Variants in CREBL2 observed in about 807,000 individuals in gnomAD.
The protein encoded by CREBL2 is cAMP-responsive element-binding protein-like 2.
In CREBL2, 4 loss-of-function variants were observed where a neutral mutation model predicts 19.5. The observed-to-expected ratio is 0.20, with a 90% CI of 0.10 to 0.47. CREBL2 has a LOEUF of 0.47. CREBL2 is among the 20% of genes least tolerant of loss of function. The pLI is 0.98. For synonymous variants in CREBL2, 42 were observed against 46.6 expected (o/e 0.90, Z 0.40); for missense variants, 85 against 145.1 (o/e 0.59, Z 2.13).
At chr12:12,618,529 C>T (rs1483467221) in intron 1 of CREBL2, among the ~76,000 whole-genome samples, 27 of 150,648 alleles carry the variant, frequency 1.8e-4, no homozygotes, top group African/African-American at 6.4e-4. Context: ...CGGGAAGAGG[C>T]GCTCCTCACT....
At chr12:12,615,239 A>G (rs1003252589) in intron 1 of CREBL2, among the ~76,000 whole-genome samples, 6 of 152,066 alleles carry the variant, frequency 3.9e-5, no homozygotes, top group African/African-American at 1.4e-4. Flanking sequence ...GGCCAGGCTG[A>G]CAGGGTTTTG....
In CREBL2 at chr12:12,637,700, C is replaced by G; in HGVS notation, c.344C>G (p.Ala115Gly). The change falls in exon 3 of 4, where the codon GCT (alanine) becomes GGT (glycine). Residue 115 changes from alanine to glycine, a missense_variant. Coordinates refer to ENST00000228865, the MANE Select transcript of CREBL2 (RefSeq NM_001310.4). ...SRHTKAGKTD[A>G]NSNSW ...CATACCAAGGCTGGGAAGACAGATGCTAATAGCAATTCCTGTAAGTGCCAT... is the reference window on the plus strand; with the variant it reads ...CATACCAAGGCTGGGAAGACAGATGGTAATAGCAATTCCTGTAAGTGCCAT... The G allele has an allele frequency of 1.2e-6, 2 of 1,610,358 alleles. No individual in the cohort carries two copies. The highest frequency in any genetic ancestry group is 1.3e-5 in the African/African-American group (1 of 74,526).
At chr12:12,614,816 G>T in intron 1 of CREBL2, 1 of 373,702 alleles carries the variant, frequency 2.7e-6, no homozygotes, top group South Asian at 2.2e-5. Context: ...TAACATTGTA[G>T]ACTCTTCCAG....
Position 12,644,542 on chromosome 12 carries a change from T to C in CREBL2, c.*2544T>C, listed in dbSNP as rs1592244409. 1 of 152,684 alleles carries C rather than the reference T, an allele frequency of 6.5e-6. No homozygotes were observed. The highest frequency in any genetic ancestry group is 1.5e-5 in the Non-Finnish European group (1 of 68,046). 9.5% of individuals were successfully genotyped at this position (152,684 alleles called of 1,614,324 possible). On this transcript the variant is annotated 3_prime_UTR_variant, in exon 4 of 4. Coordinates refer to ENST00000228865, the MANE Select transcript of CREBL2 (RefSeq NM_001310.4). ...TGTTTAGACCAGCCAAATTCTGTCATTATTTTAGTATCAACCTGCTGTATA... is the reference window on the plus strand; with the variant it reads ...TGTTTAGACCAGCCAAATTCTGTCACTATTTTAGTATCAACCTGCTGTATA...
At chr12:12,629,922 C>T (rs1945430207) in intron 1 of CREBL2, among the ~76,000 whole-genome samples, 1 of 151,982 alleles carries the variant, frequency 6.6e-6, no homozygotes, top group Non-Finnish European at 1.5e-5. Flanking sequence ...TAATTGATTT[C>T]TCAGTTGTCA....
At chr12:12,633,180 A>T (rs555266265) in intron 1 of CREBL2, among the ~76,000 whole-genome samples, 2 of 152,168 alleles carry the variant, frequency 1.3e-5, no homozygotes, top group African/African-American at 4.8e-5. Flanking sequence ...CAGGTGATCC[A>T]CCTGCCTCAG....
chr12:12,637,765 G>A, intron 3 of CREBL2, 51 bp downstream of exon 3: 4 of 1,537,196 alleles, frequency 2.6e-6, no homozygotes, highest in Non-Finnish European at 3.5e-6. Context: ...TCTCGGTTGG[G>A]CGCAGTGGCT....
At chr12:12,635,677 C>G in intron 1 of CREBL2, 100 bp from the exon 2 acceptor site, 1 of 1,379,590 alleles carries the variant, frequency 7.2e-7, no homozygotes, top group Non-Finnish European at 9.7e-7. Context: ...GCTTCACTCA[C>G]GTTTTGTTTA....
intron 1 of CREBL2, chr12:12,614,674 G>T: frequency 3.5e-6 from 1 of 284,336 alleles, no homozygotes; most frequent in Admixed American, 4.4e-5. Flanking sequence ...TTTTTTTTCT[G>T]ATCATTTTCC....
chr12:12,625,167 G>T (rs1945392003), intron 1 of CREBL2, among the ~76,000 whole-genome samples: 1 of 152,172 alleles, frequency 6.6e-6, no homozygotes, highest in African/African-American at 2.4e-5. Flanking sequence ...AAACAGGGAT[G>T]TAAGTTCTCA....
chr12:12,615,089 A>G lies in CREBL2; in HGVS notation c.15+2902A>G, dbSNP rs187893337. 1.5e-3 allele frequency among the ~76,000 whole-genome samples: 223 copies of G among 152,194 alleles called. 2 individuals are homozygous for G. Among genetic ancestry groups the G allele is most frequent in the African/African-American group, 5.2e-3 (214 of 41,508 alleles). ...TGATGCAGTGGTGCAGTCTTGGCTC[A>G]CTATAAACTCCGCCTCCCGGGTTCA... On this transcript the variant is annotated intron_variant, in intron 1 of 3. Transcript: ENST00000228865.
At chr12:12,629,116 A>T (rs1444906342) in intron 1 of CREBL2, among the ~76,000 whole-genome samples, 1 of 152,144 alleles carries the variant, frequency 6.6e-6, no homozygotes, top group Non-Finnish European at 1.5e-5. Flanking sequence ...TCGTATTTCC[A>T]TGTGAACTTT....
chr12:12,628,186 T>C (rs769813132), intron 1 of CREBL2, among the ~76,000 whole-genome samples: 3 of 152,142 alleles, frequency 2.0e-5, no homozygotes, highest in Non-Finnish European at 2.9e-5. Context: ...GCATTGGCTA[T>C]CTTTTTGATT....
chr12:12,618,654 C>T (rs1235123078), intron 1 of CREBL2, among the ~76,000 whole-genome samples: 1 of 152,200 alleles, frequency 6.6e-6, no homozygotes, highest in Non-Finnish European at 1.5e-5. Context: ...GCTGCAGTCT[C>T]GGCACTTTGG....
chr12:12,621,850 T>G (rs970707977), intron 1 of CREBL2, among the ~76,000 whole-genome samples: 1 of 152,136 alleles, frequency 6.6e-6, no homozygotes, highest in East Asian at 1.9e-4. Context: ...TGGGGAGCCA[T>G]TGAAGGGTTT....
intron 1 of CREBL2, 149 bp from the exon 2 acceptor site, chr12:12,635,627 GA>G: frequency 1.3e-6 from 1 of 776,598 alleles, no homozygotes; most frequent in African/African-American, 1.7e-5. Context: ...GAAAGACCCA[GA>G]AGGCATTTGA....
rs551629704 is a variant in CREBL2 at position 12,615,116 on chromosome 12, G to A, written c.15+2929G>A. On this transcript the variant is annotated intron_variant, in intron 1 of 3. Coordinates refer to ENST00000228865, the MANE Select transcript of CREBL2 (RefSeq NM_001310.4). Reference sequence around the variant, plus strand: ...TATAAACTCCGCCTCCCGGGTTCAAGTGATTCTCCTGCGTCAGCCTCCTGA... The same window carrying A: ...TATAAACTCCGCCTCCCGGGTTCAAATGATTCTCCTGCGTCAGCCTCCTGA... 1.4e-4 allele frequency among the ~76,000 whole-genome samples: 22 copies of A among 152,270 alleles called. No homozygotes were observed. The South Asian group carries it at 4.4e-3, about 30-fold the overall frequency.
At chr12:12,637,963 G>A (rs1231752202) in intron 3 of CREBL2, among the ~76,000 whole-genome samples, 1 of 151,906 alleles carries the variant, frequency 6.6e-6, no homozygotes, top group African/African-American at 2.4e-5. Flanking sequence ...GATCACCTGA[G>A]CCCAGGGATG....
chr12:12,627,962 C>G (rs528823953), intron 1 of CREBL2, among the ~76,000 whole-genome samples: 1 of 152,174 alleles, frequency 6.6e-6, no homozygotes, highest in South Asian at 2.1e-4. Flanking sequence ...TCACTGCAAC[C>G]TCCAACTCCC....
Sources: gnomAD v4.1 joint callset for allele counts (sites outside exome capture counted in the v4.1 genomes callset) on GRCh38, gnomAD v4.1.1 for gene constraint, MANE v1.5 for transcripts, NCBI Gene and HGNC (gene_info 2026-07-23, HGNC 2026-07-21) for gene names.